DCDC1: variants seen among roughly 807,000 people sequenced by gnomAD.
DCDC1 encodes doublecortin domain-containing protein 1.
In DCDC1, 200 loss-of-function variants were observed where a neutral mutation model predicts 178.3. The ratio of observed to expected loss-of-function variants is 1.12; its 90% CI spans 1.00 to 1.26. The LOEUF is 1.26. Among genes scored for constraint, DCDC1 ranks in the 50% most tolerant of loss-of-function variants. The pLI is 0.00. For missense variants in DCDC1, 1,983 were observed against 1,749.2 expected (o/e 1.13, Z -2.38); for synonymous variants, 690 against 604.8 (o/e 1.14, Z -2.07).
chr11:30,899,712 A>C, intron 33 of DCDC1, 70 bp from the exon 34 acceptor site: 1 of 1,107,846 alleles, frequency 9.0e-7, no homozygotes, highest in Non-Finnish European at 1.2e-6. Flanking sequence ...TTTATAAAGA[A>C]CTTTCTGCTC....
intron 1 of DCDC1, among the ~76,000 whole-genome samples, chr11:31,343,947 A>G (rs1950683453): frequency 6.6e-6 from 1 of 152,068 alleles, no homozygotes; most frequent in South Asian, 2.1e-4. Context: ...AAATAAATAA[A>G]TAAATGAAAA....
chr11:31,010,577 C>A (rs1445574059), intron 20 of DCDC1, among the ~76,000 whole-genome samples: 1 of 152,102 alleles, frequency 6.6e-6, no homozygotes, highest in African/African-American at 2.4e-5. Flanking sequence ...TTGCCATTTT[C>A]TATTTGTTGG....
intron 20 of DCDC1, among the ~76,000 whole-genome samples, chr11:30,960,149 G>T (rs185058416): frequency 1.3e-5 from 2 of 152,182 alleles, no homozygotes; most frequent in South Asian, 4.1e-4. Flanking sequence ...GGGTGTTGGG[G>T]ATGGAATTTA....
chr11:30,864,579 G>A lies in DCDC1; in HGVS notation c.*794C>T, dbSNP rs987254105. On this transcript the variant is annotated 3_prime_UTR_variant, in exon 39 of 39. Transcript: ENST00000684477. ...TTTGCGGCTCAGGCCAAGAGTAGAA[G>A]AACTGAACCTCATGTCCCCATCATG... is the stretch of plus-strand genomic sequence containing the variant. The A allele has an allele frequency of 1.3e-5, 2 of 152,220 alleles. No homozygotes were observed. The highest frequency in any genetic ancestry group is 4.8e-5 in the African/African-American group (2 of 41,454). The allele number at this position is 152,220 out of a possible 1,614,324, so 9.4% of individuals were successfully genotyped here. A position where few individuals can be genotyped will look rare whatever the true frequency, so the allele number is the denominator to read the frequency against.
intron 20 of DCDC1, among the ~76,000 whole-genome samples, chr11:31,006,574 C>T (rs764194891): frequency 4.6e-5 from 7 of 152,144 alleles, no homozygotes; most frequent in African/African-American, 7.2e-5. Context: ...GTTGCTTAAC[C>T]GCTCCATTCC....
At chr11:30,999,804 CA>C (rs1462452474) in intron 20 of DCDC1, among the ~76,000 whole-genome samples, 1 of 151,644 alleles carries the variant, frequency 6.6e-6, no homozygotes, top group African/African-American at 2.4e-5. Context: ...AAATATATAC[CA>C]AAAATACAAA....
At chr11:31,228,123 T>C (rs1469967397) in intron 9 of DCDC1, among the ~76,000 whole-genome samples, 2 of 151,984 alleles carry the variant, frequency 1.3e-5, no homozygotes, top group African/African-American at 2.4e-5. Context: ...TGAAGAACAC[T>C]CAAATCAATA....
At chr11:31,153,634 T>C (rs1965406703) in intron 9 of DCDC1, among the ~76,000 whole-genome samples, 1 of 151,798 alleles carries the variant, frequency 6.6e-6, no homozygotes, top group African/African-American at 2.4e-5. Flanking sequence ...AATACAAAAA[T>C]CAGCCGGGCA....
chr11:30,875,214 T>A (rs1407672924), intron 38 of DCDC1, among the ~76,000 whole-genome samples: 3 of 152,178 alleles, frequency 2.0e-5, no homozygotes, highest in Non-Finnish European at 4.4e-5. Context: ...GATCTTGCTT[T>A]GTAGTTGCTT....
At chr11:30,924,106 C>A (rs914503542) in intron 23 of DCDC1, among the ~76,000 whole-genome samples, 8 of 152,148 alleles carry the variant, frequency 5.3e-5, no homozygotes, top group Non-Finnish European at 8.8e-5. Flanking sequence ...GCCATGGTGG[C>A]CTCATCTATA....
chr11:31,148,638 T>C (rs1013217424), intron 9 of DCDC1, among the ~76,000 whole-genome samples: 1 of 152,156 alleles, frequency 6.6e-6, no homozygotes, highest in African/African-American at 2.4e-5. Flanking sequence ...ATGGTTGTTA[T>C]GCTTTGGTTT....
chr11:31,101,377 A>C (rs77279037), intron 15 of DCDC1, among the ~76,000 whole-genome samples: 1 of 149,322 alleles, frequency 6.7e-6, no homozygotes, highest in Non-Finnish European at 1.5e-5. Flanking sequence ...AAAAAAAAAA[A>C]CATCTTCTTT....
chr11:30,946,732 A>C (rs1417625059), intron 21 of DCDC1, among the ~76,000 whole-genome samples: 4 of 152,216 alleles, frequency 2.6e-5, no homozygotes, highest in African/African-American at 7.2e-5. Context: ...TGCTGCAAAC[A>C]ACTAAAAAGT....
At chr11:31,078,536 T>A (rs902357101) in intron 17 of DCDC1, among the ~76,000 whole-genome samples, 30 of 152,200 alleles carry the variant, frequency 2.0e-4, no homozygotes, top group African/African-American at 7.0e-4. Flanking sequence ...AAACAAGACT[T>A]TTCCTACTGC....
chr11:31,197,282 G>A (rs181317835), intron 9 of DCDC1, among the ~76,000 whole-genome samples: 120 of 152,078 alleles, frequency 7.9e-4, no homozygotes, highest in Non-Finnish European at 1.5e-3. Flanking sequence ...CACAACTATT[G>A]AGTCTCTTAA....
intron 24 of DCDC1, among the ~76,000 whole-genome samples, chr11:30,921,406 G>T (rs1946241652): frequency 6.6e-6 from 1 of 151,908 alleles, no homozygotes; most frequent in African/African-American, 2.4e-5. Context: ...GGTTCCTGGA[G>T]AAAACTTAAT....
In DCDC1 at chr11:31,091,502, T is replaced by C; in HGVS notation, c.2128A>G (p.Ile710Val). 1.3e-6 allele frequency: 1 copy of C among 751,600 alleles called. No homozygotes were observed. Among genetic ancestry groups the C allele is most frequent in the South Asian group, 1.4e-5 (1 of 71,844 alleles). 46.6% of individuals were successfully genotyped at this position (751,600 alleles called of 1,614,324 possible). Residue 710 changes from isoleucine to valine, a missense_variant, in exon 17 of 39, where the codon ATC becomes GTC. Physicochemically the swap from Ile to Val is conservative, Grantham distance 29. Coordinates refer to ENST00000684477, the MANE Select transcript of DCDC1 (RefSeq NM_001387274.1). ...SVWLITKTGM[I>V]LSRAITQGCL... is the part of the protein sequence containing the mutation. ...CCCTGAGTTATCGCTCGGCTCAGGA[T>C]CATTCCAGTCTTCCAATGAATAGAG... is the stretch of plus-strand genomic sequence containing the variant.
At position 30,925,380 on chromosome 11, in the gene DCDC1, CAGA is replaced by C; in HGVS notation, c.2923_2925del (p.Ser975del). On this transcript the variant is annotated inframe_deletion, in exon 23 of 39. Coordinates refer to ENST00000684477, the MANE Select transcript of DCDC1 (RefSeq NM_001387274.1). ...TTTTCATTGTACAATCTCCGAGCTGCAGAAGGTAAATTTAAAATCTCAGTGCAC... is the reference window on the plus strand; with the variant it reads ...TTTTCATTGTACAATCTCCGAGCTGCAGGTAAATTTAAAATCTCAGTGCAC... 2.5e-6 allele frequency: 4 copies of C among 1,613,634 alleles called. No homozygotes were observed. The highest frequency in any genetic ancestry group is 3.4e-6 in the Non-Finnish European group (4 of 1,179,740).
At chr11:31,143,463 A>C (rs1486096885) in intron 9 of DCDC1, among the ~76,000 whole-genome samples, 1 of 152,164 alleles carries the variant, frequency 6.6e-6, no homozygotes, top group Non-Finnish European at 1.5e-5. Flanking sequence ...AAGTAGTAGA[A>C]GGAATGATTC....
Sources: gnomAD v4.1 joint callset for allele counts (sites outside exome capture counted in the v4.1 genomes callset) on GRCh38, gnomAD v4.1.1 for gene constraint, MANE v1.5 for transcripts, NCBI Gene and HGNC (gene_info 2026-07-23, HGNC 2026-07-21) for gene names.